The following DBT variants were observed in gnomAD, a reference collection of about 807,000 sequenced individuals.
DBT encodes the protein lipoamide acyltransferase component of branched-chain alpha-keto acid dehydrogenase complex, mitochondrial.
DBT carries 40 observed loss-of-function variants against 51.3 expected under a neutral mutation model. That is an observed-to-expected ratio of 0.78 (90% CI 0.61 to 1.02). DBT has a LOEUF of 1.02. DBT is among the 50% of genes least tolerant of loss of function. The pLI is 0.00. For missense variants in DBT, 510 were observed against 580.2 expected, an observed-to-expected ratio of 0.88 and a Z score of 1.24; for synonymous variants, 181 against 190.4, an observed-to-expected ratio of 0.95 and a Z score of 0.41.
chr1:100,243,155 G>T (rs552428992), intron 1 of DBT, among the ~76,000 whole-genome samples: 2,281 of 150,678 alleles, frequency 0.015, 25 homozygotes, highest in Non-Finnish European at 0.025. Context: ...CCAGCTACTT[G>T]GGAGGCTGAG....
intron 6 of DBT, 32 bp downstream of exon 6, chr1:100,215,951 T>C: frequency 7.8e-7 from 1 of 1,274,746 alleles, no homozygotes; most frequent in Non-Finnish European, 1.1e-6. Flanking sequence ...AAATGAACTA[T>C]TGCCTTATAG....
At chr1:100,208,437 G>A (rs903845789) in intron 8 of DBT, among the ~76,000 whole-genome samples, 5 of 152,136 alleles carry the variant, frequency 3.3e-5, no homozygotes, top group Admixed American at 6.5e-5. Flanking sequence ...ATAAAAATTC[G>A]TGTTAAGGAA....
At chr1:100,229,242 A>C (rs1663393203) in intron 4 of DBT, among the ~76,000 whole-genome samples, 2 of 151,922 alleles carry the variant, frequency 1.3e-5, no homozygotes, top group African/African-American at 2.4e-5. Context: ...ATCTCGGCTC[A>C]CTGCAACCTC....
In DBT at chr1:100,210,748, C is replaced by T. The variant is rs762063921; in HGVS notation, c.963G>A (p.Gln321=). 5.0e-6 allele frequency: 8 copies of T among 1,613,552 alleles called. No individual in the cohort carries two copies. The African/African-American group carries it at 1.1e-4, about 22-fold the overall frequency. The change falls in exon 8 of 11, where the codon CAG becomes CAA. Residue 321 remains glutamine (Q), a synonymous_variant. Transcript: ENST00000370132. ...FLKAASLGLL[Q]FPILNASVDE... is the part of the protein sequence containing the mutation. The stretch of plus-strand genomic sequence containing the variant: ...CCACAGAAGCGTTAAGGATAGGAAA[C>T]TGTAGTAATCCCAAGGAAGCAGCCT...
intron 1 of DBT, among the ~76,000 whole-genome samples, chr1:100,248,017 G>A (rs908441636): frequency 6.6e-6 from 1 of 150,726 alleles, no homozygotes; most frequent in African/African-American, 2.4e-5. Context: ...CAAAAGAATC[G>A]CTTGAAACTG....
Position 100,196,400 on chromosome 1 carries a change from T to A in DBT, c.1304A>T (p.Lys435Ile). The A allele has an allele frequency of 3.8e-6, 6 of 1,583,268 alleles. No individual in the cohort carries two copies. Among genetic ancestry groups the A allele is most frequent in the Non-Finnish European group, 5.2e-6 (6 of 1,162,304 alleles). ...SIKAIPRFNQKGEVYKAQIMN... is the reference protein window; with the variant it reads ...SIKAIPRFNQIGEVYKAQIMN... ...TATCTGTGCCTTATATACTTCTCCT[T>A]TCTGGTTAAATCGGGGAATGGCCTA... is the stretch of plus-strand genomic sequence containing the variant. The change falls in exon 11 of 11, where the codon AAA (lysine) becomes ATA (isoleucine). Residue 435 changes from lysine (K) to isoleucine (I), a missense_variant. By Grantham distance (102) the Lys-to-Ile change is moderately radical. Coordinates refer to ENST00000370132, the MANE Select transcript of DBT (RefSeq NM_001918.5).
At chr1:100,218,481 G>C (rs138247337) in intron 5 of DBT, 145 bp downstream of exon 5, 1 of 840,370 alleles carries the variant, frequency 1.2e-6, no homozygotes, top group East Asian at 2.6e-5. Flanking sequence ...GTATTTTTAT[G>C]CAACTATTGC....
At chr1:100,213,441 C>A in intron 7 of DBT, 1 of 1,570,004 alleles carries the variant, frequency 6.4e-7, no homozygotes, top group Non-Finnish European at 8.8e-7. Context: ...ACACGGACAC[C>A]CACCCACCAT....
intron 2 of DBT, among the ~76,000 whole-genome samples, chr1:100,236,676 A>T (rs1663888711): frequency 6.6e-6 from 1 of 152,208 alleles, no homozygotes; most frequent in South Asian, 2.1e-4. Flanking sequence ...TTAAATCAAC[A>T]TTCTTGATTC....
Position 100,249,714 on chromosome 1 carries a change from GA to G in DBT, c.51+55del. The G allele has an allele frequency of 1.9e-6, 3 of 1,565,974 alleles. No individual in the cohort carries two copies. The South Asian group carries it at 3.3e-5, about 17-fold the overall frequency. On this transcript the variant is annotated intron_variant, in intron 1 of 10. Transcript: ENST00000370132. ...AGGAGAAAGTAAAACACCACTCCTG[GA>G]TGACTCCGGACAAATCACTCCTTCC...
intron 1 of DBT, among the ~76,000 whole-genome samples, chr1:100,248,293 G>T (rs947886031): frequency 2.6e-5 from 4 of 152,126 alleles, no homozygotes; most frequent in African/African-American, 9.7e-5. Flanking sequence ...GGGAAATGAC[G>T]ACATTGATAA....
At chr1:100,239,138 G>A (rs1184512692) in intron 2 of DBT, among the ~76,000 whole-genome samples, 1 of 152,164 alleles carries the variant, frequency 6.6e-6, no homozygotes, top group African/African-American at 2.4e-5. Context: ...TGGAACACAG[G>A]TGATCAATAA....
intron 10 of DBT, 34 bp from the exon 11 acceptor site, chr1:100,196,456 AAAAGAAC>A: frequency 6.8e-7 from 1 of 1,468,076 alleles, no homozygotes. Flanking sequence ...AAAAAAAAAA[AAAAGAAC>A]AAAGAGTAAA....
At chr1:100,215,035 T>TC in intron 6 of DBT, 52 bp from the exon 7 acceptor site, 1 of 1,115,924 alleles carries the variant, frequency 9.0e-7, no homozygotes, top group South Asian at 1.4e-5. Flanking sequence ...AATCTCTTCA[T>TC]CCTTTTTTTT....
chr1:100,240,659 C>T (rs2100844344), intron 2 of DBT, 102 bp downstream of exon 2: 1 of 968,016 alleles, frequency 1.0e-6, no homozygotes, highest in Non-Finnish European at 1.7e-6. Context: ...AATACAGAGT[C>T]AACTTTTTTT....
intron 1 of DBT, chr1:100,249,109 GA>G: frequency 1.0e-6 from 1 of 988,390 alleles, no homozygotes; most frequent in Non-Finnish European, 1.2e-6. Context: ...GAAGAGGCAG[GA>G]AGAAGAAACA....
chr1:100,247,527 C>T (rs1168691372), intron 1 of DBT, among the ~76,000 whole-genome samples: 1 of 151,496 alleles, frequency 6.6e-6, no homozygotes, highest in Non-Finnish European at 1.5e-5. Context: ...GGCAAAACCC[C>T]GTCTCTACTA....
At chr1:100,225,583 G>A (rs992174348) in intron 4 of DBT, among the ~76,000 whole-genome samples, 2 of 152,004 alleles carry the variant, frequency 1.3e-5, no homozygotes, top group African/African-American at 4.8e-5. Context: ...CCAGCACTTT[G>A]GGAGGCGGAG....
intron 3 of DBT, among the ~76,000 whole-genome samples, chr1:100,231,238 T>C (rs1663542199): frequency 6.6e-6 from 1 of 152,238 alleles, no homozygotes; most frequent in Non-Finnish European, 1.5e-5. Flanking sequence ...TTTCCTTCTA[T>C]TGTCTTATAT....
Sources: allele counts gnomAD v4.1 joint callset (sites outside exome capture counted in the v4.1 genomes callset), GRCh38; gene constraint gnomAD v4.1.1; transcripts MANE v1.5; gene names NCBI Gene and HGNC (gene_info 2026-07-23, HGNC 2026-07-21).